The following SVIL variants were observed in gnomAD, a reference collection of about 807,000 sequenced individuals.
SVIL encodes archvillin.
A neutral mutation model predicts 240.4 loss-of-function variants in SVIL; 101 were observed. The observed-to-expected ratio is 0.42, with a 90% confidence interval of 0.36 to 0.50. The LOEUF (loss-of-function observed/expected upper bound fraction) is 0.50. Among genes scored for constraint, SVIL ranks in the 20% least tolerant of loss-of-function variants. The pLI is 0.01. For synonymous variants in SVIL, 999 were observed against 1,100.0 expected (o/e 0.91, Z 1.82); for missense variants, 2,512 against 2,818.7 (o/e 0.89, Z 2.46).
chr10:29,535,444 T>A (rs1318277046), intron 7 of SVIL, among the ~76,000 whole-genome samples: 1 of 152,224 alleles, frequency 6.6e-6, no homozygotes, highest in Non-Finnish European at 1.5e-5. Context: ...TTACTCATTC[T>A]GACTCCTTCC....
chr10:29,476,147 A>G (rs1946171042), intron 29 of SVIL, among the ~76,000 whole-genome samples: 1 of 152,236 alleles, frequency 6.6e-6, no homozygotes, highest in African/African-American at 2.4e-5. Flanking sequence ...AAGCCACTTA[A>G]TTGAAATTTC....
At position 29,482,152 on chromosome 10, in the gene SVIL, G is replaced by T. The variant is rs371909470; in HGVS notation, c.4956-424C>A. Among the ~76,000 whole-genome samples the T allele has an allele frequency of 6.3e-4, 96 of 151,292 alleles. 2 individuals are homozygous for T. The South Asian group carries it at 0.017, about 26-fold the overall frequency. On this transcript the variant is annotated intron_variant, in intron 27 of 37. Transcript: ENST00000355867. Reference sequence around the variant, plus strand: ...GCAGTGATCCTCCTGCCTCAGCCTTGCAGATAGCTGGAACTGCAGGTGTGT... The same window carrying T: ...GCAGTGATCCTCCTGCCTCAGCCTTTCAGATAGCTGGAACTGCAGGTGTGT...
chr10:29,641,132 G>C (rs1247462), intron 3 of SVIL, among the ~76,000 whole-genome samples: 28,928 of 152,110 alleles, frequency 0.19, 2,985 homozygotes, highest in South Asian at 0.34. Context: ...AGGGGGCTGG[G>C]TGCAGTGGCT....
intron 16 of SVIL, among the ~76,000 whole-genome samples, chr10:29,514,566 GAGAC>G (rs1448025785): frequency 1.3e-5 from 2 of 152,164 alleles, no homozygotes; most frequent in Non-Finnish European, 2.9e-5. Flanking sequence ...TTATTTGGTA[GAGAC>G]AGGTGCTTGC....
intron 1 of SVIL, among the ~76,000 whole-genome samples, chr10:29,608,248 A>T (rs573735109): frequency 6.6e-6 from 1 of 152,206 alleles, no homozygotes; most frequent in Non-Finnish European, 1.5e-5. Flanking sequence ...GGGGTTGGCA[A>T]TTACCTCTGC....
At chr10:29,572,668 G>C (rs1423057373) in intron 1 of SVIL, among the ~76,000 whole-genome samples, 1 of 151,480 alleles carries the variant, frequency 6.6e-6, no homozygotes, top group East Asian at 1.9e-4. Context: ...GGAGGCTGAG[G>C]TGGGAGGATT....
intron 1 of SVIL, among the ~76,000 whole-genome samples, chr10:29,693,934 T>C (rs1393373609): frequency 6.7e-6 from 1 of 150,206 alleles, no homozygotes; most frequent in Non-Finnish European, 1.5e-5. Context: ...GATAGATAGA[T>C]ACATATATAC....
intron 17 of SVIL, among the ~76,000 whole-genome samples, chr10:29,505,301 G>C (rs978553028): frequency 6.6e-6 from 1 of 151,998 alleles, no homozygotes; most frequent in Non-Finnish European, 1.5e-5. Context: ...ACTCCAGCCT[G>C]GGTAACAGAG....
intron 6 of SVIL, among the ~76,000 whole-genome samples, chr10:29,538,578 C>T (rs1349201716): frequency 6.6e-6 from 1 of 152,216 alleles, no homozygotes; most frequent in East Asian, 1.9e-4. Context: ...CTGCGATGCT[C>T]GCAGAGGCAG....
At chr10:29,513,248 T>TA (rs1319035826) in intron 16 of SVIL, among the ~76,000 whole-genome samples, 2 of 152,176 alleles carry the variant, frequency 1.3e-5, no homozygotes, top group African/African-American at 4.8e-5. Context: ...AAAGCTGTGT[T>TA]ACAGAAAATG....
At chr10:29,589,382 C>A (rs548383523) in intron 1 of SVIL, among the ~76,000 whole-genome samples, 9 of 152,304 alleles carry the variant, frequency 5.9e-5, no homozygotes, top group East Asian at 5.8e-4. Flanking sequence ...GGGAGGAGAG[C>A]GGCTCTGGGC....
intron 20 of SVIL, among the ~76,000 whole-genome samples, chr10:29,494,151 G>A (rs1564513927): frequency 2.0e-5 from 3 of 151,896 alleles, no homozygotes; most frequent in African/African-American, 7.3e-5. Context: ...CTGGGTGACA[G>A]AGCAAGACCC....
rs528637128 is a variant in SVIL at position 29,631,681 on chromosome 10, A to G, written c.-201+2739T>C. Among the ~76,000 whole-genome samples, 12 of 152,288 alleles carry G rather than the reference A, an allele frequency of 7.9e-5. No individual in the cohort carries two copies. In the East Asian group the frequency reaches 2.3e-3, roughly 29 times the overall value. ...TCCCAGCTACTCAGGAGGCTGTGGC[A>G]GGAGAATCCCTTGAACCCGGGAGGC... On this transcript the variant is annotated intron_variant, in intron 1 of 37. Transcript: ENST00000355867.
At chr10:29,659,491 T>C (rs1320247246) in intron 2 of SVIL, among the ~76,000 whole-genome samples, 1 of 152,176 alleles carries the variant, frequency 6.6e-6, no homozygotes, top group African/African-American at 2.4e-5. Context: ...CACAGCTGAA[T>C]TCCTTGGCGC....
Position 29,504,136 on chromosome 10 carries a change from A to C in SVIL, c.3517-4873T>G, listed in dbSNP as rs368665320. ...ACAAACGATGCTGGAATAAGTGGAC[A>C]CTCATATGTAAAAAAAAACTAGATA... On this transcript the variant is annotated intron_variant, in intron 17 of 37. Transcript: ENST00000355867. Among the ~76,000 whole-genome samples the C allele has an allele frequency of 8.5e-5, 13 of 152,282 alleles. No individual in the cohort carries two copies. In the South Asian group the frequency reaches 2.7e-3, roughly 32 times the overall value.
At chr10:29,639,978 G>A (rs1037781867) in intron 3 of SVIL, among the ~76,000 whole-genome samples, 4 of 152,192 alleles carry the variant, frequency 2.6e-5, no homozygotes, top group Non-Finnish European at 4.4e-5. Context: ...ATGCACAGAA[G>A]AGATGAGGCT....
chr10:29,555,396 G>A (rs1239928582), intron 3 of SVIL, among the ~76,000 whole-genome samples: 2 of 151,832 alleles, frequency 1.3e-5, no homozygotes, highest in Non-Finnish European at 2.9e-5. Context: ...CTGAATATTT[G>A]ATGCCCATAA....
Position 29,711,258 on chromosome 10 carries a change from G to T in SVIL, c.-400+24493C>A, listed in dbSNP as rs556495861. ...CTACTAAAAATACAAAAATTAGCTG[G>T]GCATGGTGACGCACGCCGGTGGTCC... is the stretch of plus-strand genomic sequence containing the variant. On this transcript the variant is annotated intron_variant, in intron 1 of 35. Coordinates refer to the SVIL transcript ENST00000375400. 1.3e-4 allele frequency among the ~76,000 whole-genome samples: 20 copies of T among 151,946 alleles called. No homozygotes were observed. In the South Asian group the frequency reaches 2.1e-3, roughly 16 times the overall value.
In SVIL at chr10:29,551,255, T is replaced by C; in HGVS notation, c.169A>G (p.Asn57Asp). 2 of 1,592,602 alleles carry C rather than the reference T, an allele frequency of 1.3e-6. No individual in the cohort carries two copies. Among genetic ancestry groups the C allele is most frequent in the Non-Finnish European group, 1.7e-6 (2 of 1,171,164 alleles). The change falls in exon 6 of 38, where the codon AAT becomes GAT. Residue 57 changes from asparagine (N) to aspartate (D), a missense_variant. Asn to Asp is a conservative substitution (Grantham distance 23). Around this residue, in one of 3 missense-constraint regions of SVIL, gnomAD observed 1,443 missense variants for 1,486.6 expected, o/e 0.97. Coordinates refer to ENST00000355867, the MANE Select transcript of SVIL (RefSeq NM_021738.3). ...GAATCAGAAGTTTCCTCCTCTTCAT[T>C]TGATCGGCCTACAAGAAGGTCACAT... is the stretch of plus-strand genomic sequence containing the variant. ...DPASPHIGRS[N>D]EEEETSDSSL...
Sources: gnomAD v4.1 joint callset for allele counts (sites outside exome capture counted in the v4.1 genomes callset) on GRCh38, gnomAD v4.1.1 for gene constraint, gnomAD v4.1.1 regional missense constraint, MANE v1.5 for transcripts, NCBI Gene and HGNC (gene_info 2026-07-23, HGNC 2026-07-21) for gene names.